The following SMG6 variants were observed in gnomAD, a reference collection of about 807,000 sequenced individuals.
SMG6 encodes SMG6 nonsense mediated mRNA decay factor.
A neutral mutation model predicts 142.2 loss-of-function variants in SMG6; 66 were observed. That is an observed-to-expected ratio of 0.46 (90% confidence interval 0.38 to 0.57). SMG6 has a LOEUF of 0.57. Ranked by LOEUF, SMG6 falls within the 20% of genes least tolerant of loss-of-function variation. SMG6 has a pLI of 0.00. For synonymous variants in SMG6, 779 were observed against 702.4 expected, an observed-to-expected ratio of 1.11 and a Z score of -1.72; for missense variants, 1,793 against 1,832.0, an observed-to-expected ratio of 0.98 and a Z score of 0.39.
intron 7 of SMG6, among the ~76,000 whole-genome samples, 168 bp from the exon 8 acceptor site, chr17:2,283,027 G>A (rs1009700389): frequency 6.6e-6 from 1 of 152,062 alleles, no homozygotes; most frequent in African/African-American, 2.4e-5. Context: ...AAAATTAGCT[G>A]GGTGTGGTGG....
chr17:2,303,500 C>T lies in SMG6; in HGVS notation c.88+133G>A, dbSNP rs891179285. 2.3e-6 allele frequency: 3 copies of T among 1,327,590 alleles called. No individual in the cohort carries two copies. The African/African-American group carries it at 4.6e-5, about 21-fold the overall frequency. The allele number at this position is 1,327,590 out of a possible 1,614,324, so 82.2% of individuals were successfully genotyped here. ...GAGGTAGGGCAGCGAGGGTCCGCCGCGGCCCCAGCGCCTACTGCTGGGGGA... is the reference window on the plus strand; with the variant it reads ...GAGGTAGGGCAGCGAGGGTCCGCCGTGGCCCCAGCGCCTACTGCTGGGGGA... On this transcript the variant is annotated intron_variant, in intron 1 of 18. Coordinates refer to ENST00000263073, the MANE Select transcript of SMG6 (RefSeq NM_017575.5).
At chr17:2,102,553 T>A (rs2069039738) in intron 13 of SMG6, among the ~76,000 whole-genome samples, 2 of 148,152 alleles carry the variant, frequency 1.3e-5, no homozygotes, top group South Asian at 2.1e-4. Flanking sequence ...TTTTTTTTTT[T>A]TAGAGATGAG....
Position 2,237,878 on chromosome 17 carries a change from G to A in SMG6, c.2724-1241C>T, listed in dbSNP as rs117517676. ...GCCTTAGGGTTATGCCAAACAATTC[G>A]TGGTCACCAAAGTATTTTTTACCAT... On this transcript the variant is annotated intron_variant, in intron 9 of 18. Coordinates refer to ENST00000263073, the MANE Select transcript of SMG6 (RefSeq NM_017575.5). Among the ~76,000 whole-genome samples the A allele has an allele frequency of 8.1e-3, 1,231 of 152,288 alleles. 12 individuals are homozygous for A. The highest frequency in any genetic ancestry group is 0.013 in the Non-Finnish European group (858 of 68,010).
chr17:2,221,503 C>T (rs188816303), intron 10 of SMG6, among the ~76,000 whole-genome samples: 1 of 152,264 alleles, frequency 6.6e-6, no homozygotes, highest in Non-Finnish European at 1.5e-5. Flanking sequence ...TATAAATTAC[C>T]CAGCCTCAGG....
intron 12 of SMG6, among the ~76,000 whole-genome samples, chr17:2,181,243 A>C (rs1249794036): frequency 6.6e-6 from 1 of 152,234 alleles, no homozygotes; most frequent in African/African-American, 2.4e-5. Context: ...AAAAGAAGGA[A>C]GGTGCAATTC....
At chr17:2,277,367 C>G (rs969340367) in intron 8 of SMG6, among the ~76,000 whole-genome samples, 1 of 151,668 alleles carries the variant, frequency 6.6e-6, no homozygotes, top group Admixed American at 6.6e-5. Flanking sequence ...GAGGTTTCAC[C>G]GTGTTAGCCA....
chr17:2,113,208 C>T (rs1182774156), intron 13 of SMG6, among the ~76,000 whole-genome samples: 1 of 152,102 alleles, frequency 6.6e-6, no homozygotes, highest in African/African-American at 2.4e-5. Context: ...TAGTGAACAG[C>T]TAGCATTGCA....
chr17:2,233,768 C>G (rs1214074446), intron 10 of SMG6, among the ~76,000 whole-genome samples: 3 of 151,772 alleles, frequency 2.0e-5, no homozygotes, highest in Admixed American at 2.0e-4. Context: ...GACTCATGTG[C>G]TGGGAAATGG....
At chr17:2,199,922 G>GT (rs1223745520) in intron 10 of SMG6, 5 of 150,528 alleles carry the variant, frequency 3.3e-5, no homozygotes, top group Non-Finnish European at 4.4e-5. Context: ...ACAAAGGTTT[G>GT]TTTTTTTTGT....
chr17:2,079,282 G>GC (rs551849238), intron 15 of SMG6, among the ~76,000 whole-genome samples: 210 of 152,302 alleles, frequency 1.4e-3, no homozygotes, highest in Non-Finnish European at 2.7e-3. Flanking sequence ...GACTTTTGAC[G>GC]CAACAGTTTC....
chr17:2,156,731 T>C (rs1442739141), intron 13 of SMG6, among the ~76,000 whole-genome samples: 2 of 152,210 alleles, frequency 1.3e-5, no homozygotes, highest in East Asian at 3.9e-4. Flanking sequence ...CACTGCTCAC[T>C]GTAGCCTCGA....
chr17:2,219,803 C>CAAAAA (rs72234069), intron 10 of SMG6, among the ~76,000 whole-genome samples: 38 of 117,850 alleles, frequency 3.2e-4, no homozygotes, highest in Non-Finnish European at 3.7e-4. Context: ...GACCCTTTAT[C>CAAAAA]AAAAAAAAAA....
chr17:2,226,377 G>A (rs1413180804), intron 10 of SMG6, among the ~76,000 whole-genome samples: 2 of 151,424 alleles, frequency 1.3e-5, no homozygotes, highest in African/African-American at 4.9e-5. Flanking sequence ...TCAGAAGTTT[G>A]AGACCAGTCT....
chr17:2,078,122 C>T (rs2068310948), intron 15 of SMG6, among the ~76,000 whole-genome samples: 1 of 152,040 alleles, frequency 6.6e-6, no homozygotes, highest in Non-Finnish European at 1.5e-5. Flanking sequence ...GCCTGGTATG[C>T]TACAAACTCC....
In SMG6 at chr17:2,236,872, G is replaced by C. The variant is rs186029092; in HGVS notation, c.2724-235C>G. On this transcript the variant is annotated intron_variant, in intron 9 of 18. Coordinates refer to ENST00000263073, the MANE Select transcript of SMG6 (RefSeq NM_017575.5). ...GGGTCCAGAGATGCAAACAACTCAA[G>C]TTTTGGATAAATCACTATGAGTTAT... is the stretch of plus-strand genomic sequence containing the variant. The C allele has an allele frequency of 1.4e-4, 174 of 1,210,366 alleles. No individual in the cohort carries two copies. The African/African-American group carries it at 2.3e-3, about 16-fold the overall frequency. 75.0% of individuals were successfully genotyped at this position (1,210,366 alleles called of 1,614,324 possible). A position where few individuals can be genotyped will look rare whatever the true frequency, so the allele number is the denominator to read the frequency against.
chr17:2,268,038 C>A (rs1360820513), intron 8 of SMG6, among the ~76,000 whole-genome samples: 1 of 152,110 alleles, frequency 6.6e-6, no homozygotes, highest in Non-Finnish European at 1.5e-5. Flanking sequence ...TGAGCCACTG[C>A]ACCCAGCCTT....
chr17:2,221,065 G>T (rs1333592204), intron 10 of SMG6, among the ~76,000 whole-genome samples: 1 of 152,188 alleles, frequency 6.6e-6, no homozygotes, highest in African/African-American at 2.4e-5. Context: ...AAAGATGAAA[G>T]ATTCAAGAGA....
At chr17:2,179,371 G>A (rs1051018588) in intron 12 of SMG6, among the ~76,000 whole-genome samples, 2 of 152,176 alleles carry the variant, frequency 1.3e-5, no homozygotes, top group Admixed American at 6.5e-5. Context: ...GAGTGAACTA[G>A]TTGTTTTTTA....
intron 10 of SMG6, among the ~76,000 whole-genome samples, chr17:2,217,104 G>A (rs1243852984): frequency 6.6e-6 from 1 of 152,124 alleles, no homozygotes; most frequent in African/African-American, 2.4e-5. Flanking sequence ...GGTACTGGAC[G>A]TAGAAACAGG....
Sources: allele counts gnomAD v4.1 joint callset (sites outside exome capture counted in the v4.1 genomes callset), GRCh38; gene constraint gnomAD v4.1.1; transcripts MANE v1.5; gene names NCBI Gene and HGNC (gene_info 2026-07-23, HGNC 2026-07-21).